FILIP1L: variants seen among roughly 807,000 people sequenced by gnomAD.
FILIP1L encodes filamin A interacting protein 1 like, also known as filamin A-interacting protein 1-like.
FILIP1L carries 55 observed loss-of-function variants against 96.6 expected under a neutral mutation model. The ratio of observed to expected loss-of-function variants is 0.57; its 90% confidence interval spans 0.46 to 0.71. The LOEUF (loss-of-function observed/expected upper bound fraction) is 0.71, where lower values mean the gene tolerates loss of function less well. Among genes scored for constraint, FILIP1L ranks in the 30% least tolerant of loss-of-function variants. The pLI, the probability that FILIP1L is intolerant of heterozygous loss-of-function variation, is 0.00. For synonymous variants in FILIP1L, 467 were observed against 473.9 expected (o/e 0.99, Z 0.19); for missense variants, 1,304 against 1,321.2 (o/e 0.99, Z 0.20).
chr3:99,899,742 A>G (rs1278329674), intron 4 of FILIP1L, among the ~76,000 whole-genome samples: 1 of 152,166 alleles, frequency 6.6e-6, no homozygotes, highest in African/African-American at 2.4e-5. Flanking sequence ...TTCTTAATGC[A>G]CATTAACTCC....
At chr3:100,106,768 T>A (rs1169048141) in intron 1 of FILIP1L, among the ~76,000 whole-genome samples, 1 of 152,182 alleles carries the variant, frequency 6.6e-6, no homozygotes, top group Non-Finnish European at 1.5e-5. Context: ...TGTGTCTAAC[T>A]GGTGGTTGTA....
intron 1 of FILIP1L, among the ~76,000 whole-genome samples, chr3:100,049,601 C>T (rs1198296976): frequency 6.6e-6 from 1 of 152,124 alleles, no homozygotes; most frequent in Non-Finnish European, 1.5e-5. Context: ...AATAAGTTGA[C>T]CCTTGAACAA....
chr3:100,042,826 G>A (rs988433884), intron 1 of FILIP1L, among the ~76,000 whole-genome samples: 2 of 152,250 alleles, frequency 1.3e-5, no homozygotes, highest in African/African-American at 4.8e-5. Flanking sequence ...TACTTCTTAC[G>A]GGAAGCTGGG....
chr3:99,965,749 A>G (rs1011090368), intron 1 of FILIP1L, among the ~76,000 whole-genome samples: 1 of 152,206 alleles, frequency 6.6e-6, no homozygotes, highest in Non-Finnish European at 1.5e-5. Context: ...TTTAGGTTAA[A>G]TGAAGGTTAC....
At chr3:99,930,159 CT>C in intron 2 of FILIP1L, 130 bp from the exon 3 acceptor site, 1 of 758,400 alleles carries the variant, frequency 1.3e-6, no homozygotes, top group Non-Finnish European at 2.1e-6. Context: ...CATTTTCACA[CT>C]TTTATAAAAG....
intron 1 of FILIP1L, among the ~76,000 whole-genome samples, chr3:100,060,512 A>G (rs1464726284): frequency 6.6e-6 from 1 of 152,116 alleles, no homozygotes; most frequent in Non-Finnish European, 1.5e-5. Flanking sequence ...AAAAAAATAC[A>G]TAAAAATGCT....
chr3:99,923,130 C>T (rs1707176262), intron 4 of FILIP1L, among the ~76,000 whole-genome samples: 1 of 151,232 alleles, frequency 6.6e-6, no homozygotes, highest in Admixed American at 6.6e-5. Context: ...CCCCCTTTTT[C>T]TTCCAGAAAA....
chr3:99,961,284 A>ATTATT (rs1708482580), intron 1 of FILIP1L, among the ~76,000 whole-genome samples: 1 of 151,884 alleles, frequency 6.6e-6, no homozygotes, highest in Non-Finnish European at 1.5e-5. Flanking sequence ...TGTGGGTTGG[A>ATTATT]TTATTTTGTT....
At position 100,099,021 on chromosome 3, in the gene FILIP1L, A is replaced by C. The variant is rs1304611377; in HGVS notation, c.-11+15032T>G. ...AGGTTTTTGCTTTCCTGATTGCAGAACTCTTCTTTATATATTAAAAGGGAG... is the reference window on the plus strand; with the variant it reads ...AGGTTTTTGCTTTCCTGATTGCAGACCTCTTCTTTATATATTAAAAGGGAG... On this transcript the variant is annotated intron_variant, in intron 1 of 5. Coordinates refer to ENST00000477258, the MANE Select transcript of FILIP1L (RefSeq NM_001387850.1). Among the ~76,000 whole-genome samples the C allele has an allele frequency of 2.0e-5, 3 of 151,968 alleles. No individual in the cohort carries two copies. In the East Asian group the frequency reaches 5.8e-4, roughly 29 times the overall value.
At chr3:100,003,973 A>G (rs1709915897) in intron 1 of FILIP1L, among the ~76,000 whole-genome samples, 1 of 152,148 alleles carries the variant, frequency 6.6e-6, no homozygotes, top group African/African-American at 2.4e-5. Context: ...AATGAACCTG[A>G]AATGGACGGT....
At chr3:100,006,547 A>G (rs1311254690) in intron 1 of FILIP1L, among the ~76,000 whole-genome samples, 2 of 152,112 alleles carry the variant, frequency 1.3e-5, no homozygotes, top group African/African-American at 4.8e-5. Flanking sequence ...CATGAAGGCT[A>G]TCATTCAAAT....
chr3:99,995,547 G>A (rs1709653295), intron 1 of FILIP1L, among the ~76,000 whole-genome samples: 1 of 152,188 alleles, frequency 6.6e-6, no homozygotes. Context: ...CAGTGCCCAA[G>A]TAGGGACTCT....
intron 1 of FILIP1L, among the ~76,000 whole-genome samples, chr3:100,069,381 A>G (rs2107367688): frequency 6.6e-6 from 1 of 152,252 alleles, no homozygotes; most frequent in Middle Eastern, 3.4e-3. Context: ...TAACTGAGCC[A>G]GCCATTAGCT....
chr3:99,958,223 T>G (rs1708392709), intron 1 of FILIP1L, among the ~76,000 whole-genome samples: 1 of 146,340 alleles, frequency 6.8e-6, no homozygotes, highest in East Asian at 2.0e-4. Context: ...ATTATTATTA[T>G]TATTATTATT....
At chr3:100,076,251 CATCAT>C (rs1405040233) in intron 1 of FILIP1L, among the ~76,000 whole-genome samples, 1 of 152,190 alleles carries the variant, frequency 6.6e-6, no homozygotes, top group African/African-American at 2.4e-5. Context: ...TTTAATCTCT[CATCAT>C]ATGCTTATCT....
intron 1 of FILIP1L, among the ~76,000 whole-genome samples, chr3:99,977,471 G>GTAGC (rs1346195084): frequency 1.3e-5 from 2 of 152,076 alleles, no homozygotes; most frequent in Non-Finnish European, 2.9e-5. Flanking sequence ...GTTGGATAGA[G>GTAGC]TAGCTATGAG....
chr3:99,829,713 T>C lies in FILIP1L; in HGVS notation c.*701A>G, dbSNP rs903290945. 2.6e-5 allele frequency among the ~76,000 whole-genome samples: 4 copies of C among 152,210 alleles called. No individual in the cohort carries two copies. Among genetic ancestry groups the C allele is most frequent in the African/African-American group, 7.2e-5 (3 of 41,448 alleles). ...ATGTCCTGTGAGATGATAAATTCTG[T>C]ATTTTTTCAAGCACCTGGAATATTG... On this transcript the variant is annotated 3_prime_UTR_variant, in exon 6 of 6. Coordinates refer to ENST00000477258, the MANE Select transcript of FILIP1L (RefSeq NM_001387850.1).
intron 1 of FILIP1L, among the ~76,000 whole-genome samples, chr3:100,059,743 G>A (rs568416583): frequency 2.0e-5 from 3 of 152,190 alleles, no homozygotes; most frequent in South Asian, 4.1e-4. Context: ...CATATGTGCC[G>A]GCCTAGAATT....
At chr3:99,959,504 G>T (rs1390228853) in intron 1 of FILIP1L, among the ~76,000 whole-genome samples, 1 of 152,076 alleles carries the variant, frequency 6.6e-6, no homozygotes, top group East Asian at 1.9e-4. Context: ...AAAAGAAGAG[G>T]AATTAAGTCA....
Sources: allele counts gnomAD v4.1 joint callset (sites outside exome capture counted in the v4.1 genomes callset), GRCh38; gene constraint gnomAD v4.1.1; transcripts MANE v1.5; gene names NCBI Gene and HGNC (gene_info 2026-07-23, HGNC 2026-07-21).